Variants in ITGA3 observed in about 807,000 individuals in gnomAD.
The protein encoded by ITGA3 is integrin subunit alpha 3, also known as integrin alpha-3.
In ITGA3, 70 loss-of-function variants were observed where a neutral mutation model predicts 131.1. The observed-to-expected ratio is 0.53, with a 90% confidence interval of 0.44 to 0.65. The LOEUF (loss-of-function observed/expected upper bound fraction) is 0.65. ITGA3 is among the 30% of genes least tolerant of loss of function. The pLI is 0.00. For synonymous variants in ITGA3, 537 were observed against 571.6 expected (o/e 0.94, Z 0.86); for missense variants, 1,098 against 1,388.6 (o/e 0.79, Z 3.33).
rs1908260230 is a variant in ITGA3 at position 50,064,878 on chromosome 17, TG to T, written c.414+274del. 2.8e-6 allele frequency: 1 copy of T among 356,286 alleles called. No homozygotes were observed. The highest frequency in any genetic ancestry group is 4.6e-5 in the Admixed American group (1 of 21,642). 22.1% of individuals were successfully genotyped at this position (356,286 alleles called of 1,614,324 possible). A position where few individuals can be genotyped will look rare whatever the true frequency, so the allele number is the denominator to read the frequency against. ...GCCTACACTGGGTGCTCAGCCTTCG[TG>T]GGAACAAGCCGAGGGAGCCGAGGGA... is the stretch of plus-strand genomic sequence containing the variant. On this transcript the variant is annotated intron_variant, in intron 3 of 25. Coordinates refer to ENST00000320031, the MANE Select transcript of ITGA3 (RefSeq NM_002204.4). The surrounding 1 kb of genome is among the most constrained non-coding windows in gnomAD (Gnocchi z 4.4).
chr17:50,071,081 T>A lies in ITGA3; in HGVS notation c.751+151T>A, dbSNP rs1598186568. ...CCGGCACCTGTATGCCAGGCCCTGT[T>A]CCAAGCTCCCAAGATGCAAAGTTCT... On this transcript the variant is annotated intron_variant, in intron 5 of 25. Transcript: ENST00000320031. 1.2e-5 allele frequency: 9 copies of A among 724,494 alleles called. No homozygotes were observed. In the East Asian group the frequency reaches 2.2e-4, roughly 18 times the overall value. The allele number at this position is 724,494 out of a possible 1,614,324, so 44.9% of individuals were successfully genotyped here. A position where few individuals can be genotyped will look rare whatever the true frequency, so the allele number is the denominator to read the frequency against.
chr17:50,087,661 G>T lies in ITGA3; in HGVS notation c.2920-83G>T. The T allele has an allele frequency of 3.4e-6, 5 of 1,476,352 alleles. No individual in the cohort carries two copies. The South Asian group carries it at 5.1e-5, about 15-fold the overall frequency. The allele number at this position is 1,476,352 out of a possible 1,614,324, so 91.5% of individuals were successfully genotyped here. A position where few individuals can be genotyped will look rare whatever the true frequency, so the allele number is the denominator to read the frequency against. On this transcript the variant is annotated intron_variant, in intron 23 of 25. Coordinates refer to ENST00000320031, the MANE Select transcript of ITGA3 (RefSeq NM_002204.4). ...ACTGGCAGCAGGACAAACAGCAGGT[G>T]CCTGGGCCCAGCTAGGATAGGAAGG...
chr17:50,071,049 G>T, intron 5 of ITGA3, 119 bp downstream of exon 5: 1 of 773,158 alleles, frequency 1.3e-6, no homozygotes, highest in Non-Finnish European at 2.3e-6. Flanking sequence ...TAGCACACAC[G>T]GATTGGCCGG....
intron 20 of ITGA3, 87 bp from the exon 21 acceptor site, chr17:50,079,348 A>T (rs1327777228): frequency 4.5e-6 from 7 of 1,561,802 alleles, no homozygotes; most frequent in African/African-American, 1.4e-5. Flanking sequence ...CCCTTTGGCA[A>T]GCTGTCTCTC....
At chr17:50,088,128 A>G in intron 24 of ITGA3, 97 bp from the exon 25 acceptor site, 14 of 1,448,752 alleles carry the variant, frequency 9.7e-6, no homozygotes, top group Non-Finnish European at 1.3e-5. Context: ...CCCAGCCCCC[A>G]GGCTCCCCAG....
chr17:50,065,708 T>C (rs913708131), intron 3 of ITGA3: 2 of 151,594 alleles, frequency 1.3e-5, no homozygotes, highest in African/African-American at 4.9e-5. Flanking sequence ...TCTCTTTTCT[T>C]TTCTTTCTCT....
Position 50,089,358 on chromosome 17 carries a change from C to T in ITGA3, c.*280C>T. 1.8e-6 allele frequency: 2 copies of T among 1,112,130 alleles called. No homozygotes were observed. Among genetic ancestry groups the T allele is most frequent in the South Asian group, 1.4e-5 (1 of 71,228 alleles). 68.9% of individuals were successfully genotyped at this position (1,112,130 alleles called of 1,614,324 possible). A position where few individuals can be genotyped will look rare whatever the true frequency, so the allele number is the denominator to read the frequency against. ...CTCTGACAGTCCACAGGGGCCACCA[C>T]CTTTGGCTGGTAGCAGCAGGCTCAG... is the stretch of plus-strand genomic sequence containing the variant. On this transcript the variant is annotated 3_prime_UTR_variant, in exon 26 of 26. Transcript: ENST00000320031.
At chr17:50,076,781 G>A in intron 14 of ITGA3, 100 bp downstream of exon 14, 1 of 1,250,778 alleles carries the variant, frequency 8.0e-7, no homozygotes. Context: ...GCGAGCCCAG[G>A]GACAGGGCTT....
At chr17:50,066,913 C>T (rs1188683886) in intron 3 of ITGA3, among the ~76,000 whole-genome samples, 1 of 152,176 alleles carries the variant, frequency 6.6e-6, no homozygotes, top group African/African-American at 2.4e-5. Context: ...CTTGTAACCC[C>T]TTCTAATCAT....
At chr17:50,072,657 G>C (rs1908686298) in intron 7 of ITGA3, among the ~76,000 whole-genome samples, 1 of 152,088 alleles carries the variant, frequency 6.6e-6, no homozygotes, top group Non-Finnish European at 1.5e-5. Flanking sequence ...AAAGTTTTAG[G>C]GCAGGGATGT....
intron 18 of ITGA3, 43 bp downstream of exon 18, chr17:50,078,327 C>G (rs372567661): frequency 5.8e-6 from 9 of 1,552,514 alleles, no homozygotes; most frequent in Non-Finnish European, 8.0e-6. Flanking sequence ...CCTGCTGTGC[C>G]TAAGCTAGGG....
At chr17:50,076,900 G>T in intron 14 of ITGA3, 74 bp from the exon 15 acceptor site, 1 of 1,516,994 alleles carries the variant, frequency 6.6e-7, no homozygotes. Flanking sequence ...GGAGACCCCA[G>T]GGGCGGGGCC....
rs1352177631 is a variant in ITGA3 at position 50,089,287 on chromosome 17, C to T, written c.*209C>T. 3.1e-6 allele frequency: 5 copies of T among 1,604,510 alleles called. No individual in the cohort carries two copies. The highest frequency in any genetic ancestry group is 2.2e-5 in the South Asian group (2 of 90,800). On this transcript the variant is annotated 3_prime_UTR_variant, in exon 26 of 26. Coordinates refer to ENST00000320031, the MANE Select transcript of ITGA3 (RefSeq NM_002204.4). ...CTGACGTCCTCCCTGATCCCACCCC[C>T]TCCTCCCCCAGTGTCCCCTTTCTTC...
chr17:50,089,597 A>C lies in ITGA3; in HGVS notation c.*519A>C. On this transcript the variant is annotated 3_prime_UTR_variant, in exon 26 of 26. Transcript: ENST00000320031. ...CCTCTGCCAGCGCCAAAACAAGCCAAAGAGCCTCCCACCAGAGCCGGGAGG... is the reference window on the plus strand; with the variant it reads ...CCTCTGCCAGCGCCAAAACAAGCCACAGAGCCTCCCACCAGAGCCGGGAGG... The C allele has an allele frequency of 3.7e-6, 1 of 267,302 alleles. No homozygotes were observed. Among genetic ancestry groups the C allele is most frequent in the Non-Finnish European group, 7.3e-6 (1 of 137,652 alleles). 16.6% of individuals were successfully genotyped at this position (267,302 alleles called of 1,614,324 possible).
intron 23 of ITGA3, chr17:50,086,408 G>T (rs1411179041): frequency 6.6e-6 from 1 of 150,860 alleles, no homozygotes; most frequent in Non-Finnish European, 1.5e-5. Context: ...AACAAACACG[G>T]CTGGGCACAG....
rs761689318 is a variant in ITGA3, at chr17:50,088,211, C to T, written c.3046-14C>T. 6.4e-7 allele frequency: 1 copy of T among 1,551,904 alleles called. No individual in the cohort carries two copies. The highest frequency in any genetic ancestry group is 1.2e-5 in the South Asian group (1 of 84,074). On this transcript the variant is annotated splice_polypyrimidine_tract_variant and intron_variant, in intron 24 of 25. Coordinates refer to ENST00000320031, the MANE Select transcript of ITGA3 (RefSeq NM_002204.4). ...CCCCCCTGATGGCCCGTCCCCACCT[C>T]CTCCCCTCCGCAGTGCGGCTTCTTC... is the stretch of plus-strand genomic sequence containing the variant.
At position 50,068,818 on chromosome 17, in the gene ITGA3, ATTTATTTAT is replaced by A. The variant is rs1265759288; in HGVS notation, c.664+516_664+524del. Among the ~76,000 whole-genome samples, 875 of 117,548 alleles carry A rather than the reference ATTTATTTAT, an allele frequency of 7.4e-3. 9 individuals are homozygous for A. The highest frequency in any genetic ancestry group is 0.019 in the African/African-American group (678 of 34,842). 77.1% of individuals were successfully genotyped at this position (117,548 alleles called of 152,430 possible). A position where few individuals can be genotyped will look rare whatever the true frequency, so the allele number is the denominator to read the frequency against. ...TGCCCAGCCTCAATCAGTCTTTTTTATTTATTTATTTATTTATTTATTTATTTATTTATT... is the reference window on the plus strand; with the variant it reads ...TGCCCAGCCTCAATCAGTCTTTTTTATTATTTATTTATTTATTTATTTATT... On this transcript the variant is annotated intron_variant, in intron 4 of 25. Coordinates refer to ENST00000320031, the MANE Select transcript of ITGA3 (RefSeq NM_002204.4).
Position 50,081,318 on chromosome 17 carries a change from A to G in ITGA3, c.2829A>G (p.Arg943=). 6.3e-7 allele frequency: 1 copy of G among 1,585,686 alleles called. No individual in the cohort carries two copies. The highest frequency in any genetic ancestry group is 1.8e-5 in the Admixed American group (1 of 56,406). ...CCCCACTCCCAATCCAGGATTACAG[A>G]GACTTTGACCGAGTCCGGGTAAATG... ...VWNSTFIEDY[R]DFDRVRVNGW... is the part of the protein sequence containing the mutation. The change falls in exon 23 of 26, where the codon AGA becomes AGG. Residue 943 remains arginine, a synonymous_variant. Coordinates refer to ENST00000320031, the MANE Select transcript of ITGA3 (RefSeq NM_002204.4).
At chr17:50,058,402 T>C (rs148007532) in intron 1 of ITGA3, among the ~76,000 whole-genome samples, 247 of 152,328 alleles carry the variant, frequency 1.6e-3, no homozygotes, top group Non-Finnish European at 2.9e-3. Flanking sequence ...TTAGTGGGGC[T>C]GTAACGAGAT....
Sources: gnomAD v4.1 joint callset for allele counts (sites outside exome capture counted in the v4.1 genomes callset) on GRCh38, gnomAD v4.1.1 for gene constraint, Gnocchi (gnomAD v3.1) non-coding constraint, MANE v1.5 for transcripts, NCBI Gene and HGNC (gene_info 2026-07-23, HGNC 2026-07-21) for gene names.